COL6A5: variants seen among roughly 807,000 people sequenced by gnomAD.
COL6A5 encodes the protein collagen alpha-5(VI) chain.
In COL6A5, 48 loss-of-function variants were observed where a neutral mutation model predicts 65.6. The ratio of observed to expected loss-of-function variants is 0.73; its 90% confidence interval spans 0.58 to 0.93. COL6A5 has a LOEUF of 0.93. Among genes scored for constraint, COL6A5 ranks in the 40% least tolerant of loss-of-function variants. The pLI is 0.00. For missense variants in COL6A5, 914 were observed against 928.3 expected (o/e 0.98, Z 0.20); for synonymous variants, 291 against 322.8 (o/e 0.90, Z 1.05).
At chr3:130,461,806 G>A (rs1486506700) in intron 5 of COL6A5, among the ~76,000 whole-genome samples, 1 of 151,264 alleles carries the variant, frequency 6.6e-6, no homozygotes, top group South Asian at 2.1e-4. Flanking sequence ...CTCATCCAGA[G>A]GCATGGAGCA....
intron 5 of COL6A5, among the ~76,000 whole-genome samples, chr3:130,464,535 G>A (rs1006778948): frequency 6.6e-6 from 1 of 152,020 alleles, no homozygotes; most frequent in Non-Finnish European, 1.5e-5. Flanking sequence ...TCAGGTAATG[G>A]TTAGTCAACT....
chr3:130,456,538 A>AT, intron 5 of COL6A5, among the ~76,000 whole-genome samples: 1 of 152,080 alleles, frequency 6.6e-6, no homozygotes, highest in Non-Finnish European at 1.5e-5. Context: ...CCATGATGTG[A>AT]TTATTATGCA....
At chr3:130,370,092 T>C (rs1470962100) in intron 1 of COL6A5, among the ~76,000 whole-genome samples, 2 of 152,312 alleles carry the variant, frequency 1.3e-5, no homozygotes, top group South Asian at 2.1e-4. Flanking sequence ...CACTCATTCA[T>C]GCTACTCTCT....
At chr3:130,398,194 G>A (rs1471546541) in intron 10 of COL6A5, 83 bp downstream of exon 10, 73 of 894,106 alleles carry the variant, frequency 8.2e-5, no homozygotes, top group Non-Finnish European at 1.1e-4. Flanking sequence ...GCAGTGGCAC[G>A]ATCTCAGCTC....
rs1553744426 is a variant in COL6A5 at position 130,362,272 on chromosome 3, T to TCTCTCTCTCTCTCTCTCTCTCTC, written c.-28-11339_-28-11338insCTCTCTCTCTCTCTCTCTCTCTC. Among the ~76,000 whole-genome samples, 5 of 14,628 alleles carry TCTCTCTCTCTCTCTCTCTCTCTC rather than the reference T, an allele frequency of 3.4e-4. 1 individual carries two copies. The South Asian group carries it at 9.4e-3, about 27-fold the overall frequency. The allele number at this position is 14,628 out of a possible 152,430, so 9.6% of individuals were successfully genotyped here. ...TTTCTTTCTCTCTCTCTCTCTCTCT[T>TCTCTCTCTCTCTCTCTCTCTCTC]TGTCTCTGTCTTTCTCCATATATAT... On this transcript the variant is annotated intron_variant and NMD_transcript_variant, in intron 1 of 41. Coordinates refer to the COL6A5 transcript ENST00000312481.
chr3:130,469,199 G>T, exon 6 of COL6A5: 2 of 1,613,256 alleles, frequency 1.2e-6, no homozygotes, highest in Non-Finnish European at 1.7e-6. Context: ...CAATGTCTTT[G>T]TAGGAACCCC....
intron 6 of COL6A5, 69 bp from the exon 39 acceptor site, chr3:130,470,802 A>T: frequency 8.6e-7 from 1 of 1,159,366 alleles, no homozygotes; most frequent in East Asian, 2.4e-5. Context: ...TGAAAACATG[A>T]TCTGACTTTG....
At chr3:130,425,406 G>A (rs1484599663) in intron 29 of COL6A5, among the ~76,000 whole-genome samples, 1 of 152,108 alleles carries the variant, frequency 6.6e-6, no homozygotes, top group Non-Finnish European at 1.5e-5. Flanking sequence ...ACAAGTGTAA[G>A]CATGAAATCA....
intron 1 of COL6A5, among the ~76,000 whole-genome samples, chr3:130,432,446 G>T (rs1197054604): frequency 6.6e-6 from 1 of 151,872 alleles, no homozygotes; most frequent in Non-Finnish European, 1.5e-5. Flanking sequence ...AGCTACTCAG[G>T]AGGCTGAGAC....
At chr3:130,393,131 G>A (rs1936462119) in intron 7 of COL6A5, among the ~76,000 whole-genome samples, 1 of 149,714 alleles carries the variant, frequency 6.7e-6, no homozygotes, top group African/African-American at 2.5e-5. Context: ...CTGTGCCCTT[G>A]GGGCAATTTC....
intron 8 of COL6A5, among the ~76,000 whole-genome samples, chr3:130,396,475 A>G (rs528009868): frequency 6.6e-6 from 1 of 152,360 alleles, no homozygotes; most frequent in African/African-American, 2.4e-5. Flanking sequence ...CTGTTTCCCC[A>G]TCTGTAAAAT....
intron 1 of COL6A5, among the ~76,000 whole-genome samples, chr3:130,438,093 G>A (rs1005520968): frequency 2.6e-5 from 4 of 152,072 alleles, no homozygotes; most frequent in African/African-American, 9.7e-5. Flanking sequence ...CGGCCTCCTG[G>A]TTCAAGCGAT....
chr3:130,353,153 A>G (rs186762210), intron 1 of COL6A5, among the ~76,000 whole-genome samples: 6 of 152,348 alleles, frequency 3.9e-5, no homozygotes, highest in Admixed American at 2.6e-4. Context: ...TGACCAGTTA[A>G]AACTATAATG....
chr3:130,385,727 G>A (rs1248870779), intron 5 of COL6A5, among the ~76,000 whole-genome samples: 1 of 151,994 alleles, frequency 6.6e-6, no homozygotes, highest in Non-Finnish European at 1.5e-5. Flanking sequence ...TACAGTGTTT[G>A]TGTGTGCACA....
In COL6A5 at chr3:130,416,829, A is replaced by T. The variant is rs1187902957; in HGVS notation, c.4887+10A>T. 7.0e-7 allele frequency: 1 copy of T among 1,435,252 alleles called. No individual in the cohort carries two copies. The highest frequency in any genetic ancestry group is 2.3e-5 in the Admixed American group (1 of 43,196). The allele number at this position is 1,435,252 out of a possible 1,614,324, so 88.9% of individuals were successfully genotyped here. On this transcript the variant is annotated intron_variant and NMD_transcript_variant, in intron 24 of 41. Coordinates refer to the COL6A5 transcript ENST00000312481. ...ACTTTTGGGGAAAAAAGTAGATATTATTTCTGTTTTTTAATTCTTTTAAAA... is the reference window on the plus strand; with the variant it reads ...ACTTTTGGGGAAAAAAGTAGATATTTTTTCTGTTTTTTAATTCTTTTAAAA...
At chr3:130,379,743 C>A (rs905132791) in exon 4 of COL6A5, 1 of 1,551,324 alleles carries the variant, frequency 6.4e-7, no homozygotes, top group Admixed American at 2.0e-5. Context: ...AGTCATATGG[C>A]AGCAGAAGAG....
Position 130,447,211 on chromosome 3 carries a change from C to T in COL6A5, c.1332+3645C>T, listed in dbSNP as rs538607442. ...TTTTTTAACATGGGTCATGCCTTCC[C>T]CTGTTTGGCAAGTAGCCCAGATAAA... On this transcript the variant is annotated intron_variant, in intron 4 of 7. Transcript: ENST00000512836. Among the ~76,000 whole-genome samples, 4 of 152,198 alleles carry T rather than the reference C, an allele frequency of 2.6e-5. No individual in the cohort carries two copies. The East Asian group carries it at 7.7e-4, about 29-fold the overall frequency.
At chr3:130,376,351 C>G in exon 3 of COL6A5, 1 of 1,613,766 alleles carries the variant, frequency 6.2e-7, no homozygotes, top group South Asian at 1.1e-5. Flanking sequence ...AACAGTCTCC[C>G]CATAGAGGCC....
intron 28 of COL6A5, 71 bp downstream of exon 28, chr3:130,422,853 A>G (rs1937540844): frequency 1.0e-6 from 1 of 977,784 alleles, no homozygotes; most frequent in Non-Finnish European, 1.5e-6. Flanking sequence ...TTATAATAAT[A>G]AATGTGGATT....
Sources: gnomAD v4.1 joint callset for allele counts (sites outside exome capture counted in the v4.1 genomes callset) on GRCh38, gnomAD v4.1.1 for gene constraint, MANE v1.5 for transcripts, NCBI Gene and HGNC (gene_info 2026-07-23, HGNC 2026-07-21) for gene names.